Variants in RPTOR observed in about 807,000 individuals in gnomAD.
RPTOR encodes the protein regulatory associated protein of MTOR complex 1.
A neutral mutation model predicts 169.9 loss-of-function variants in RPTOR; 21 were observed. The ratio of observed to expected loss-of-function variants is 0.12; its 90% CI spans 0.09 to 0.18. RPTOR has a LOEUF of 0.18. RPTOR is among the 10% of genes least tolerant of loss of function. The pLI, the probability that RPTOR is intolerant of heterozygous loss-of-function variation, is 1.00. For missense variants in RPTOR, 1,133 were observed against 1,855.9 expected (o/e 0.61, Z 7.16); for synonymous variants, 732 against 753.2 (o/e 0.97, Z 0.46).
chr17:80,579,263 G>A (rs555412107), intron 1 of RPTOR, among the ~76,000 whole-genome samples: 1 of 152,078 alleles, frequency 6.6e-6, no homozygotes, highest in African/African-American at 2.4e-5. Flanking sequence ...GTGCGATCTC[G>A]GCTCACCGCA....
chr17:80,895,857 TTG>T, intron 20 of RPTOR, among the ~76,000 whole-genome samples: 1 of 152,362 alleles, frequency 6.6e-6, no homozygotes, highest in Admixed American at 6.5e-5. Flanking sequence ...GGTTACAGCC[TTG>T]CAGCCTTACA....
intron 3 of RPTOR, among the ~76,000 whole-genome samples, chr17:80,672,965 C>T (rs1452726787): frequency 1.3e-5 from 2 of 152,088 alleles, no homozygotes; most frequent in African/African-American, 4.8e-5. Flanking sequence ...CTCATTCTGT[C>T]ACCCAGGCTG....
At chr17:80,680,778 G>C (rs2065892185) in intron 3 of RPTOR, among the ~76,000 whole-genome samples, 1 of 152,042 alleles carries the variant, frequency 6.6e-6, no homozygotes, top group Non-Finnish European at 1.5e-5. Flanking sequence ...TGACAGAGGA[G>C]AAATACAGCT....
intron 4 of RPTOR, among the ~76,000 whole-genome samples, chr17:80,718,262 C>T (rs537186311): frequency 6.6e-6 from 1 of 152,286 alleles, no homozygotes; most frequent in Admixed American, 6.5e-5. Context: ...TTTAATTCTT[C>T]GGTGGTCTTC....
At chr17:80,840,366 TCTCA>T (rs2067616360) in intron 10 of RPTOR, among the ~76,000 whole-genome samples, 1 of 113,682 alleles carries the variant, frequency 8.8e-6, no homozygotes, top group Non-Finnish European at 1.8e-5. Flanking sequence ...GGCAGCTCAC[TCTCA>T]CCACACGGCA....
chr17:80,738,923 G>A (rs1359063837), intron 5 of RPTOR, among the ~76,000 whole-genome samples: 5 of 152,182 alleles, frequency 3.3e-5, no homozygotes, highest in South Asian at 2.1e-4. Context: ...TCATGAAAAC[G>A]ATACACTGTT....
intron 24 of RPTOR, among the ~76,000 whole-genome samples, chr17:80,927,302 G>A (rs886878696): frequency 3.9e-5 from 6 of 152,188 alleles, no homozygotes; most frequent in Non-Finnish European, 8.8e-5. Context: ...AAGGTCAGGC[G>A]ACTAAGAAAC....
chr17:80,911,286 C>T lies in RPTOR; in HGVS notation c.2520+2357C>T, dbSNP rs1012593783. 5.9e-5 allele frequency among the ~76,000 whole-genome samples: 9 copies of T among 152,352 alleles called. No individual in the cohort carries two copies. The South Asian group carries it at 1.0e-3, about 18-fold the overall frequency. ...CTGCAGCGGATTCTGCCACCTCCTT[C>T]GTCACCGTGTGGTGTGGCCAGCTGC... On this transcript the variant is annotated intron_variant, in intron 21 of 33. Coordinates refer to ENST00000306801, the MANE Select transcript of RPTOR (RefSeq NM_020761.3).
intron 7 of RPTOR, chr17:80,804,165 G>A (rs1240177771): frequency 6.6e-6 from 1 of 152,262 alleles, no homozygotes; most frequent in East Asian, 1.9e-4. Flanking sequence ...CCATGAATCA[G>A]TGGCGTGACC....
chr17:80,645,560 TG>T lies in RPTOR; in HGVS notation c.348+1751del, dbSNP rs370276263. 4.2e-3 allele frequency among the ~76,000 whole-genome samples: 633 copies of T among 152,362 alleles called. 3 individuals are homozygous for T. Among genetic ancestry groups the T allele is most frequent in the African/African-American group, 0.015 (609 of 41,582 alleles). On this transcript the variant is annotated intron_variant, in intron 3 of 33. Transcript: ENST00000306801. ...TATTCCATTTGCTCTGATTTACAAT[TG>T]TTTTTTTTGAGTGCTAAGAGTTGAT... is the stretch of plus-strand genomic sequence containing the variant.
intron 21 of RPTOR, among the ~76,000 whole-genome samples, chr17:80,917,700 C>T (rs1320747668): frequency 3.9e-5 from 6 of 152,342 alleles, no homozygotes; most frequent in Admixed American, 2.6e-4. Flanking sequence ...TTTTTAACCT[C>T]GTCAAATGGC....
At chr17:80,753,361 G>A (rs1207995338) in intron 5 of RPTOR, among the ~76,000 whole-genome samples, 6 of 138,122 alleles carry the variant, frequency 4.3e-5, no homozygotes, top group African/African-American at 1.5e-4. Context: ...TAGGCCGGGC[G>A]CGGTGGCTCA....
At chr17:80,930,500 T>TCCCCA in intron 24 of RPTOR, among the ~76,000 whole-genome samples, 2 of 140,522 alleles carry the variant, frequency 1.4e-5, no homozygotes, top group African/African-American at 2.6e-5. Context: ...CCCCAGCTCA[T>TCCCCA]CCTCAGCTCA....
intron 6 of RPTOR, among the ~76,000 whole-genome samples, chr17:80,789,486 G>C (rs772698256): frequency 6.6e-6 from 1 of 152,160 alleles, no homozygotes; most frequent in Non-Finnish European, 1.5e-5. Context: ...TCTACTCTGC[G>C]TTTTCAACCT....
intron 4 of RPTOR, among the ~76,000 whole-genome samples, chr17:80,724,365 T>C (rs2066312791): frequency 6.6e-6 from 1 of 151,144 alleles, no homozygotes; most frequent in South Asian, 2.1e-4. Flanking sequence ...CTGCCTGGCA[T>C]AGTTGGCATT....
At chr17:80,639,456 C>T (rs923964000) in intron 2 of RPTOR, among the ~76,000 whole-genome samples, 1 of 152,036 alleles carries the variant, frequency 6.6e-6, no homozygotes, top group African/African-American at 2.4e-5. Context: ...CCCATGGACC[C>T]CAGATCAAGG....
intron 7 of RPTOR, among the ~76,000 whole-genome samples, chr17:80,793,335 A>G (rs776664215): frequency 5.3e-5 from 8 of 152,218 alleles, no homozygotes; most frequent in Non-Finnish European, 1.2e-4. Context: ...TATATTATAT[A>G]TCTAATTTCT....
At chr17:80,906,306 T>C (rs561560694) in intron 20 of RPTOR, among the ~76,000 whole-genome samples, 1 of 152,026 alleles carries the variant, frequency 6.6e-6, no homozygotes, top group Non-Finnish European at 1.5e-5. Flanking sequence ...GAGGAGACTC[T>C]AGGGATGTTC....
rs945632521 is a variant in RPTOR at position 80,728,104 on chromosome 17, A to C, written c.508-2456A>C. Among the ~76,000 whole-genome samples the C allele has an allele frequency of 6.6e-5, 10 of 152,346 alleles. 1 individual carries two copies. Among genetic ancestry groups the C allele is most frequent in the Admixed American group, 5.2e-4 (8 of 15,308 alleles). ...TCATTGTAATTTGCATTTCTAATAAAGAGCATGAAACTTAGAATCATTTTT... is the reference window on the plus strand; with the variant it reads ...TCATTGTAATTTGCATTTCTAATAACGAGCATGAAACTTAGAATCATTTTT... On this transcript the variant is annotated intron_variant, in intron 4 of 33. Transcript: ENST00000306801.
Sources: gnomAD v4.1 joint callset for allele counts (sites outside exome capture counted in the v4.1 genomes callset) on GRCh38, gnomAD v4.1.1 for gene constraint, MANE v1.5 for transcripts, NCBI Gene and HGNC (gene_info 2026-07-23, HGNC 2026-07-21) for gene names.